The following FRMD4B variants were observed in gnomAD, a reference collection of about 807,000 sequenced individuals.
The protein encoded by FRMD4B is FERM domain-containing protein 4B.
A neutral mutation model predicts 141.5 loss-of-function variants in FRMD4B; 74 were observed. The ratio of observed to expected loss-of-function variants is 0.52; its 90% CI spans 0.43 to 0.63. The LOEUF is 0.63. Ranked by LOEUF, FRMD4B falls within the 30% of genes least tolerant of loss-of-function variation. The pLI is 0.00. For missense variants in FRMD4B, 1,366 were observed against 1,253.4 expected, an observed-to-expected ratio of 1.09 and a Z score of -1.36; for synonymous variants, 506 against 467.9, an observed-to-expected ratio of 1.08 and a Z score of -1.05.
chr3:69,342,573 T>C (rs1034201772), intron 1 of FRMD4B, among the ~76,000 whole-genome samples: 1 of 152,210 alleles, frequency 6.6e-6, no homozygotes, highest in African/African-American at 2.4e-5. Context: ...AATAATATTA[T>C]TAAACAAAAG....
At chr3:69,382,690 C>T (rs1704144839) in intron 1 of FRMD4B, among the ~76,000 whole-genome samples, 1 of 151,012 alleles carries the variant, frequency 6.6e-6, no homozygotes, top group African/African-American at 2.4e-5. Flanking sequence ...GGAGTGGGTA[C>T]AGACCCTAAA....
intron 2 of FRMD4B, among the ~76,000 whole-genome samples, chr3:69,311,821 A>T (rs1399307626): frequency 6.6e-6 from 1 of 151,772 alleles, no homozygotes; most frequent in East Asian, 1.9e-4. Context: ...GAAAATATTA[A>T]TAATAATAAT....
intron 1 of FRMD4B, among the ~76,000 whole-genome samples, chr3:69,487,032 A>C (rs1706226882): frequency 6.6e-6 from 1 of 152,176 alleles, no homozygotes; most frequent in Non-Finnish European, 1.5e-5. Flanking sequence ...ATAACGTCTG[A>C]CAGGGTCAGT....
chr3:69,381,353 C>G (rs1477360877), intron 1 of FRMD4B, among the ~76,000 whole-genome samples: 1 of 152,120 alleles, frequency 6.6e-6, no homozygotes, highest in East Asian at 1.9e-4. Flanking sequence ...GGTGGGAGAT[C>G]TTGTTTCACT....
At chr3:69,302,257 A>T in intron 4 of FRMD4B, 86 bp downstream of exon 4, 1 of 725,358 alleles carries the variant, frequency 1.4e-6, no homozygotes, top group East Asian at 2.7e-5. Context: ...ATCACCAGAA[A>T]TGTAAAAAAT....
chr3:69,172,126 G>A, intron 22 of FRMD4B, 145 bp from the exon 23 acceptor site: 1 of 669,220 alleles, frequency 1.5e-6, no homozygotes, highest in Non-Finnish European at 2.6e-6. Context: ...GGAGAAGGGT[G>A]ACTGCATGTT....
intron 2 of FRMD4B, among the ~76,000 whole-genome samples, chr3:69,409,039 T>C (rs1375478221): frequency 6.6e-6 from 1 of 152,108 alleles, no homozygotes; most frequent in African/African-American, 2.4e-5. Flanking sequence ...CATCCTGAGG[T>C]TGTTCGTGAG....
At chr3:69,422,523 T>C (rs977143272) in intron 2 of FRMD4B, among the ~76,000 whole-genome samples, 3 of 152,186 alleles carry the variant, frequency 2.0e-5, no homozygotes, top group Admixed American at 6.5e-5. Context: ...AGAGCCTCCA[T>C]TGTGACAAGC....
intron 2 of FRMD4B, among the ~76,000 whole-genome samples, chr3:69,416,210 A>G (rs1359225102): frequency 6.6e-6 from 1 of 152,222 alleles, no homozygotes. Flanking sequence ...TCAGCTGCTG[A>G]AAGCTGACAT....
chr3:69,285,792 T>G (rs1700667398), intron 5 of FRMD4B, among the ~76,000 whole-genome samples: 1 of 151,752 alleles, frequency 6.6e-6, no homozygotes, highest in Non-Finnish European at 1.5e-5. Context: ...TGCGGTGATC[T>G]GAGATGGCAC....
At chr3:69,197,122 A>G in intron 12 of FRMD4B, 84 bp from the exon 13 acceptor site, 1 of 1,169,284 alleles carries the variant, frequency 8.6e-7, no homozygotes, top group Non-Finnish European at 1.2e-6. Flanking sequence ...CATTGTAACA[A>G]AGCATGTTCC....
intron 1 of FRMD4B, among the ~76,000 whole-genome samples, chr3:69,524,635 G>T (rs997415350): frequency 3.9e-5 from 6 of 152,146 alleles, no homozygotes; most frequent in African/African-American, 1.4e-4. Context: ...CCATATTGAT[G>T]CTCTGCCATC....
At chr3:69,479,569 GA>G (rs1254094460) in intron 1 of FRMD4B, among the ~76,000 whole-genome samples, 3 of 152,202 alleles carry the variant, frequency 2.0e-5, no homozygotes, top group Admixed American at 2.0e-4. Context: ...TTTCTGCCAA[GA>G]GATCCCCTAT....
At chr3:69,474,682 T>C (rs1575815342) in intron 1 of FRMD4B, among the ~76,000 whole-genome samples, 1 of 149,364 alleles carries the variant, frequency 6.7e-6, no homozygotes, top group African/African-American at 2.5e-5. Flanking sequence ...CTTTAAACAC[T>C]GGAGCATTGC....
At chr3:69,502,208 G>C (rs1706510050) in intron 1 of FRMD4B, among the ~76,000 whole-genome samples, 4 of 152,176 alleles carry the variant, frequency 2.6e-5, no homozygotes, top group Non-Finnish European at 4.4e-5. Flanking sequence ...AATCAAAAAA[G>C]AGCCTGCATT....
chr3:69,339,938 A>G (rs1277505913), intron 1 of FRMD4B, among the ~76,000 whole-genome samples: 1 of 151,784 alleles, frequency 6.6e-6, no homozygotes, highest in Admixed American at 6.6e-5. Flanking sequence ...ATCAGAAAAA[A>G]ACTCCCATCC....
chr3:69,516,540 C>A (rs1700760519), intron 1 of FRMD4B, among the ~76,000 whole-genome samples: 1 of 152,162 alleles, frequency 6.6e-6, no homozygotes, highest in Non-Finnish European at 1.5e-5. Flanking sequence ...CCTGGAACTT[C>A]CACAAGGAAT....
At chr3:69,173,330 A>G (rs1004370257) in intron 22 of FRMD4B, among the ~76,000 whole-genome samples, 1 of 152,210 alleles carries the variant, frequency 6.6e-6, no homozygotes, top group Non-Finnish European at 1.5e-5. Context: ...AAAAAATTTT[A>G]TTGGTAAAAA....
At chr3:69,481,315 G>A (rs1454365072) in intron 1 of FRMD4B, among the ~76,000 whole-genome samples, 1 of 152,106 alleles carries the variant, frequency 6.6e-6, no homozygotes, top group Non-Finnish European at 1.5e-5. Context: ...CTCACGCTGG[G>A]AGCTGTAGAC....
Sources: gnomAD v4.1 joint callset for allele counts (sites outside exome capture counted in the v4.1 genomes callset) on GRCh38, gnomAD v4.1.1 for gene constraint, MANE v1.5 for transcripts, NCBI Gene and HGNC (gene_info 2026-07-23, HGNC 2026-07-21) for gene names.